AVEN: variants seen among roughly 807,000 people sequenced by gnomAD.
AVEN encodes cell death regulator Aven.
Under a neutral mutation model 38.1 loss-of-function variants are expected in AVEN, and 41 were observed. The ratio of observed to expected loss-of-function variants is 1.08; its 90% CI spans 0.84 to 1.40. The LOEUF (loss-of-function observed/expected upper bound fraction) is 1.40, where lower values mean the gene tolerates loss of function less well. Among genes scored for constraint, AVEN ranks in the 40% most tolerant of loss-of-function variants. The probability of loss-of-function intolerance (pLI) is 0.00; values close to 1 mark genes in which losing one functional copy is unlikely to be tolerated. For missense variants in AVEN, 605 were observed against 438.8 expected (o/e 1.38, Z -3.38); for synonymous variants, 206 against 171.8 (o/e 1.20, Z -1.56).
At chr15:33,953,470 T>G in intron 2 of AVEN, among the ~76,000 whole-genome samples, 1 of 152,104 alleles carries the variant, frequency 6.6e-6, no homozygotes, top group African/African-American at 2.4e-5. Flanking sequence ...AACAGAGGCC[T>G]CAGAAATAAC....
At chr15:33,944,444 T>C (rs913551887) in intron 2 of AVEN, among the ~76,000 whole-genome samples, 2 of 152,186 alleles carry the variant, frequency 1.3e-5, no homozygotes, top group Admixed American at 6.5e-5. Flanking sequence ...CAAGTTTCTC[T>C]GGACAAAGTT....
At chr15:34,075,184 A>C (rs1012803154), upstream of AVEN, among the ~76,000 whole-genome samples, 1 of 149,138 alleles carries the variant, frequency 6.7e-6, no homozygotes, top group Non-Finnish European at 1.5e-5. Flanking sequence ...TCTGGCTCAA[A>C]AAAAAAAAAA....
intron 1 of AVEN, among the ~76,000 whole-genome samples, chr15:34,011,363 T>C (rs1897629364): frequency 6.6e-6 from 1 of 152,144 alleles, no homozygotes; most frequent in Non-Finnish European, 1.5e-5. Context: ...TTAAATAAAA[T>C]ATATGTTGTA....
At chr15:33,904,751 A>G (rs903848307) in intron 2 of AVEN, among the ~76,000 whole-genome samples, 8 of 140,806 alleles carry the variant, frequency 5.7e-5, no homozygotes, top group Non-Finnish European at 1.1e-4. Flanking sequence ...TTGCACACAC[A>G]TGCACACACA....
intron 1 of AVEN, among the ~76,000 whole-genome samples, chr15:34,020,516 A>C (rs187890423): frequency 6.6e-6 from 1 of 152,326 alleles, no homozygotes; most frequent in East Asian, 1.9e-4. Flanking sequence ...TGTTAACTAA[A>C]GGGTTAATGC....
intron 4 of AVEN, among the ~76,000 whole-genome samples, chr15:33,868,082 T>C (rs1021297173): frequency 6.6e-6 from 1 of 152,152 alleles, no homozygotes; most frequent in African/African-American, 2.4e-5. Context: ...TGCCTCCCAC[T>C]CTCCCTACCT....
At chr15:33,987,928 G>C (rs975792621) in intron 2 of AVEN, among the ~76,000 whole-genome samples, 1 of 152,180 alleles carries the variant, frequency 6.6e-6, no homozygotes, top group South Asian at 2.1e-4. Flanking sequence ...TGGCCACACA[G>C]ACCCACATTC....
chr15:33,913,598 A>G (rs191964796), intron 2 of AVEN, among the ~76,000 whole-genome samples: 145 of 152,324 alleles, frequency 9.5e-4, no homozygotes, highest in African/African-American at 3.4e-3. Flanking sequence ...CTAGGATGAG[A>G]TCTAATGCCA....
chr15:33,997,100 C>T (rs1466200791), intron 2 of AVEN, among the ~76,000 whole-genome samples: 2 of 152,124 alleles, frequency 1.3e-5, no homozygotes, highest in African/African-American at 2.4e-5. Context: ...AAAATTAGAA[C>T]TTCTAGAAAA....
chr15:33,993,573 T>A (rs913227858), intron 2 of AVEN, among the ~76,000 whole-genome samples: 1 of 152,204 alleles, frequency 6.6e-6, no homozygotes, highest in Non-Finnish European at 1.5e-5. Context: ...AAATCCACTT[T>A]TAAAGAGTTT....
intron 1 of AVEN, among the ~76,000 whole-genome samples, chr15:34,034,468 G>GA (rs1899025203): frequency 6.8e-6 from 1 of 147,780 alleles, no homozygotes; most frequent in African/African-American, 2.5e-5. Flanking sequence ...AAAAGGAAAA[G>GA]AAAAAATCAA....
chr15:34,004,146 A>G (rs1253643460), intron 1 of AVEN, among the ~76,000 whole-genome samples: 1 of 152,214 alleles, frequency 6.6e-6, no homozygotes, highest in East Asian at 1.9e-4. Context: ...CCTAGAAAAA[A>G]GCTAGCACAA....
chr15:33,890,371 G>A (rs1478437811), intron 2 of AVEN, among the ~76,000 whole-genome samples: 1 of 152,120 alleles, frequency 6.6e-6, no homozygotes, highest in Admixed American at 6.5e-5. Context: ...TGTGCATTTA[G>A]GAAGGAGGGA....
intron 2 of AVEN, among the ~76,000 whole-genome samples, chr15:34,001,707 G>A (rs1897144753): frequency 8.3e-5 from 1 of 11,982 alleles, no homozygotes; most frequent in South Asian, 0.083. Flanking sequence ...AATCATCTAC[G>A]GTAATGACGA....
chr15:33,928,057 C>T (rs74990877), intron 2 of AVEN, among the ~76,000 whole-genome samples: 1 of 152,186 alleles, frequency 6.6e-6, no homozygotes, highest in East Asian at 1.9e-4. Context: ...TATAAAGAAG[C>T]TAATCCATGC....
intron 2 of AVEN, among the ~76,000 whole-genome samples, chr15:33,904,729 G>A (rs1298115213): frequency 6.6e-5 from 5 of 75,488 alleles, no homozygotes; most frequent in South Asian, 8.4e-4. Context: ...ACACACACAC[G>A]AATATGCACG....
chr15:33,974,126 G>T (rs554278296), intron 2 of AVEN, among the ~76,000 whole-genome samples: 2 of 152,104 alleles, frequency 1.3e-5, no homozygotes, highest in Non-Finnish European at 2.9e-5. Flanking sequence ...TGGAAATCAC[G>T]TTTGCTATAC....
downstream of AVEN, among the ~76,000 whole-genome samples, chr15:33,855,244 C>T (rs891146025): frequency 3.3e-5 from 5 of 151,850 alleles, no homozygotes; most frequent in Non-Finnish European, 7.4e-5. Context: ...GTAGCCCAGG[C>T]TGGAGTGCAG....
intron 1 of AVEN, among the ~76,000 whole-genome samples, chr15:34,024,729 C>T (rs1898372450): frequency 6.7e-6 from 1 of 149,848 alleles, no homozygotes; most frequent in Non-Finnish European, 1.5e-5. Context: ...CGCATGGTGG[C>T]ACACGCCTGT....
Sources: gnomAD v4.1 joint callset for allele counts (sites outside exome capture counted in the v4.1 genomes callset) on GRCh38, gnomAD v4.1.1 for gene constraint, MANE v1.5 for transcripts, NCBI Gene and HGNC (gene_info 2026-07-23, HGNC 2026-07-21) for gene names.